Variants in TNRC6B observed in about 807,000 individuals in gnomAD.
The protein encoded by TNRC6B is trinucleotide repeat containing adaptor 6B, also known as trinucleotide repeat-containing gene 6B protein.
In TNRC6B, 52 loss-of-function variants were observed where a neutral mutation model predicts 203.6. The ratio of observed to expected loss-of-function variants is 0.26; its 90% CI spans 0.20 to 0.32. TNRC6B has a LOEUF of 0.32. TNRC6B is among the 10% of genes least tolerant of loss of function. TNRC6B has a pLI of 1.00. For missense variants in TNRC6B, 1,923 were observed against 2,286.2 expected (o/e 0.84, Z 3.24); for synonymous variants, 838 against 845.7 (o/e 0.99, Z 0.16).
In TNRC6B at chr22:40,331,510, T is replaced by C. The variant is rs2071465385; in HGVS notation, c.*8269T>C. ...AGAACAGTCCCTCCCACTCGATTCC[T>C]TCAGCTTCATTCAGGAAGACACAGG... On this transcript the variant is annotated 3_prime_UTR_variant, in exon 23 of 23. Coordinates refer to ENST00000454349, the MANE Select transcript of TNRC6B (RefSeq NM_001162501.2). The C allele has an allele frequency of 8.1e-6, 3 of 369,860 alleles. No homozygotes were observed. Among genetic ancestry groups the C allele is most frequent in the Non-Finnish European group, 1.5e-5 (3 of 206,544 alleles). The allele number at this position is 369,860 out of a possible 1,614,324, so 22.9% of individuals were successfully genotyped here.
Position 40,328,923 on chromosome 22 carries a change from G to A in TNRC6B, c.*5682G>A, listed in dbSNP as rs150891686. 7 of 151,234 alleles carry A rather than the reference G, an allele frequency of 4.6e-5. No individual in the cohort carries two copies. The highest frequency in any genetic ancestry group is 1.5e-4 in the African/African-American group (6 of 41,084). 9.4% of individuals were successfully genotyped at this position (151,234 alleles called of 1,614,324 possible). On this transcript the variant is annotated 3_prime_UTR_variant, in exon 23 of 23. Transcript: ENST00000454349. ...TCTTTAGAAGTGAGATAAATTTTTC[G>A]CTGGTTAAAAAAAATCAAACTTTCC...
chr22:40,145,171 G>A (rs562548451), intron 3 of TNRC6B, among the ~76,000 whole-genome samples: 2 of 151,990 alleles, frequency 1.3e-5, no homozygotes, highest in African/African-American at 4.8e-5. Flanking sequence ...ACTTGAATTC[G>A]GGATGTCAAG....
chr22:40,122,897 T>G (rs1484997590), intron 2 of TNRC6B, among the ~76,000 whole-genome samples: 1 of 152,188 alleles, frequency 6.6e-6, no homozygotes, highest in Non-Finnish European at 1.5e-5. Flanking sequence ...TGAGACAAAT[T>G]GAGTAAATTC....
chr22:40,202,976 AG>A (rs1271971869), intron 1 of TNRC6B, among the ~76,000 whole-genome samples: 3 of 152,116 alleles, frequency 2.0e-5, no homozygotes, highest in Non-Finnish European at 4.4e-5. Flanking sequence ...TTTAGTGAGG[AG>A]GACTTCAGGC....
At chr22:40,177,465 T>C (rs953508983), upstream of TNRC6B, among the ~76,000 whole-genome samples, 2 of 152,238 alleles carry the variant, frequency 1.3e-5, no homozygotes, top group African/African-American at 2.4e-5. Context: ...TCTTTTTCTA[T>C]ACATTTTAGG....
At chr22:40,315,535 C>G (rs762306928) in intron 20 of TNRC6B, 28 bp downstream of exon 20, 3 of 1,605,774 alleles carry the variant, frequency 1.9e-6, no homozygotes, top group Admixed American at 1.7e-5. Context: ...AAAGGAACAC[C>G]ATTGTTCATC....
At chr22:40,193,339 T>C (rs1420067205) in intron 1 of TNRC6B, among the ~76,000 whole-genome samples, 1 of 152,174 alleles carries the variant, frequency 6.6e-6, no homozygotes, top group Non-Finnish European at 1.5e-5. Flanking sequence ...AATAAGTGAA[T>C]CAAAGATGAC....
Position 40,328,567 on chromosome 22 carries a change from G to A in TNRC6B, c.*5326G>A, listed in dbSNP as rs2071429731. 2 of 151,972 alleles carry A rather than the reference G, an allele frequency of 1.3e-5. No individual in the cohort carries two copies. 9.4% of individuals were successfully genotyped at this position (151,972 alleles called of 1,614,324 possible). On this transcript the variant is annotated 3_prime_UTR_variant, in exon 23 of 23. Coordinates refer to ENST00000454349, the MANE Select transcript of TNRC6B (RefSeq NM_001162501.2). ...TGGGTGAGGGGGTGATTTTTGTAAG[G>A]TTAACAGCCAGATTCCATTTTGACC...
At chr22:40,152,200 A>G (rs1314173782) in intron 3 of TNRC6B, among the ~76,000 whole-genome samples, 2 of 152,352 alleles carry the variant, frequency 1.3e-5, no homozygotes, top group Middle Eastern at 3.4e-3. Flanking sequence ...TCTAGAGAAG[A>G]CACATGCAAT....
chr22:40,180,370 AT>A (rs1367451746), intron 1 of TNRC6B, among the ~76,000 whole-genome samples: 2 of 152,218 alleles, frequency 1.3e-5, no homozygotes, highest in Admixed American at 1.3e-4. Flanking sequence ...TGGCAGGTTA[AT>A]TCAGTTTGCA....
chr22:40,263,314 A>G (rs902551107), intron 4 of TNRC6B, among the ~76,000 whole-genome samples: 2 of 152,180 alleles, frequency 1.3e-5, no homozygotes, highest in African/African-American at 4.8e-5. Context: ...TGTGCAGAGT[A>G]AGGATGGAAA....
At chr22:40,226,093 A>G (rs1403038293) in intron 1 of TNRC6B, among the ~76,000 whole-genome samples, 3 of 152,242 alleles carry the variant, frequency 2.0e-5, no homozygotes, top group Admixed American at 6.5e-5. Flanking sequence ...GCTTTACTCT[A>G]TAGTTTTTGA....
At chr22:40,236,661 A>G (rs2069951513) in intron 1 of TNRC6B, among the ~76,000 whole-genome samples, 1 of 152,080 alleles carries the variant, frequency 6.6e-6, no homozygotes, top group Non-Finnish European at 1.5e-5. Context: ...TGCTTCTGGG[A>G]ATGTGGAGCC....
Position 40,165,362 on chromosome 22 carries a change from C to T in TNRC6B, c.113+9180C>T, listed in dbSNP as rs78560164. Among the ~76,000 whole-genome samples, 536 of 151,656 alleles carry T rather than the reference C, an allele frequency of 3.5e-3. 3 individuals are homozygous for T. Among genetic ancestry groups the T allele is most frequent in the Middle Eastern group, 0.014 (4 of 292 alleles). ...TGGCTAATTTTTTTGTTTTTAGTAG[C>T]GACAAAGCCTGACTATGTTGCCAGG... On this transcript the variant is annotated intron_variant, in intron 4 of 23. Transcript: ENST00000301923.
Position 40,152,441 on chromosome 22 carries a change from C to T in TNRC6B, c.46-3674C>T, listed in dbSNP as rs375632875. On this transcript the variant is annotated intron_variant, in intron 3 of 23. Transcript: ENST00000301923. ...TCCCGGGTTCATGCCATTCTTCTGCCTCAGCCTCCTGCGTAGCTTGGACTA... is the reference window on the plus strand; with the variant it reads ...TCCCGGGTTCATGCCATTCTTCTGCTTCAGCCTCCTGCGTAGCTTGGACTA... Among the ~76,000 whole-genome samples the T allele has an allele frequency of 2.4e-4, 36 of 152,338 alleles. No individual in the cohort carries two copies. In the East Asian group the frequency reaches 6.8e-3, roughly 29 times the overall value.
At chr22:40,276,865 T>G (rs2070651724) in intron 7 of TNRC6B, 2 of 375,798 alleles carry the variant, frequency 5.3e-6, no homozygotes, top group East Asian at 7.9e-5. Flanking sequence ...TACTTCTGGT[T>G]CAGTGTGGTG....
chr22:40,258,222 C>T (rs1488808927), intron 3 of TNRC6B, among the ~76,000 whole-genome samples: 1 of 151,844 alleles, frequency 6.6e-6, no homozygotes, highest in Non-Finnish European at 1.5e-5. Context: ...AAAACTTGCA[C>T]AACTTACAAA....
chr22:40,155,130 A>G (rs959383682), intron 3 of TNRC6B, among the ~76,000 whole-genome samples: 1 of 151,620 alleles, frequency 6.6e-6, no homozygotes, highest in African/African-American at 2.4e-5. Context: ...CTGTTGACAG[A>G]TGTTTATTCT....
intron 4 of TNRC6B, 128 bp from the exon 5 acceptor site, chr22:40,264,560 C>A (rs2070444150): frequency 9.7e-7 from 1 of 1,025,956 alleles, no homozygotes; most frequent in Non-Finnish European, 1.4e-6. Context: ...ATACAAGCAA[C>A]TGGGTTGAGA....
Sources: allele counts gnomAD v4.1 joint callset (sites outside exome capture counted in the v4.1 genomes callset), GRCh38; gene constraint gnomAD v4.1.1; transcripts MANE v1.5; gene names NCBI Gene and HGNC (gene_info 2026-07-23, HGNC 2026-07-21).